The following TBCD variants were observed in gnomAD, a reference collection of about 807,000 sequenced individuals.
TBCD encodes the protein tubulin folding cofactor D.
A neutral mutation model predicts 169.3 loss-of-function variants in TBCD; 105 were observed. The ratio of observed to expected loss-of-function variants is 0.62; its 90% CI spans 0.53 to 0.73. The LOEUF (loss-of-function observed/expected upper bound fraction) is 0.73. Among genes scored for constraint, TBCD ranks in the 30% least tolerant of loss-of-function variants. The pLI, the probability that TBCD is intolerant of heterozygous loss-of-function variation, is 0.00. For missense variants in TBCD, 1,444 were observed against 1,600.1 expected, an observed-to-expected ratio of 0.90 and a Z score of 1.66; for synonymous variants, 700 against 643.9, an observed-to-expected ratio of 1.09 and a Z score of -1.32.
At chr17:82,865,434 C>T (rs534372100) in intron 13 of TBCD, 35 of 982,804 alleles carry the variant, frequency 3.6e-5, no homozygotes, top group South Asian at 4.7e-5. Context: ...CCTGAGCAGT[C>T]GGGGAGACAC....
At chr17:82,855,483 G>A (rs2056196076) in intron 13 of TBCD, among the ~76,000 whole-genome samples, 1 of 151,632 alleles carries the variant, frequency 6.6e-6, no homozygotes, top group Admixed American at 6.6e-5. Flanking sequence ...GCCCAGGCTG[G>A]TCACGAACTC....
chr17:82,827,611 C>CT (rs1332099501), intron 13 of TBCD, among the ~76,000 whole-genome samples: 1 of 152,124 alleles, frequency 6.6e-6, no homozygotes, highest in Non-Finnish European at 1.5e-5. Flanking sequence ...GAAGTGCATA[C>CT]ACACGTGTAC....
chr17:82,925,146 T>C, intron 27 of TBCD, 89 bp downstream of exon 27: 1 of 1,051,762 alleles, frequency 9.5e-7, no homozygotes, highest in Non-Finnish European at 1.4e-6. Context: ...CAGCCGTTAA[T>C]AAACCCATCA....
At chr17:82,809,319 G>A (rs913324995) in intron 11 of TBCD, among the ~76,000 whole-genome samples, 3 of 152,136 alleles carry the variant, frequency 2.0e-5, no homozygotes, top group Non-Finnish European at 4.4e-5. Flanking sequence ...GGCCTGATGG[G>A]TGCCTGCACA....
intron 13 of TBCD, among the ~76,000 whole-genome samples, chr17:82,820,715 G>T (rs1368611552): frequency 6.6e-6 from 1 of 151,982 alleles, no homozygotes; most frequent in Non-Finnish European, 1.5e-5. Flanking sequence ...GGTGCCCTAT[G>T]AGTTTCTTAG....
intron 13 of TBCD, chr17:82,830,481 G>C: frequency 6.2e-7 from 1 of 1,613,346 alleles, no homozygotes; most frequent in Non-Finnish European, 8.5e-7. Flanking sequence ...CGGGGCCTGT[G>C]GGTGGGGCCC....
chr17:82,845,637 G>A (rs929617728), intron 13 of TBCD, among the ~76,000 whole-genome samples: 1 of 151,804 alleles, frequency 6.6e-6, no homozygotes, highest in Non-Finnish European at 1.5e-5. Flanking sequence ...TTTCCTCTCC[G>A]TCCTGCCCAG....
chr17:82,925,087 C>T, intron 27 of TBCD, 30 bp downstream of exon 27: 1 of 1,519,502 alleles, frequency 6.6e-7, no homozygotes, highest in Non-Finnish European at 8.9e-7. Flanking sequence ...GTGGACGGGG[C>T]CTAGGGCGAG....
chr17:82,753,044 G>A (rs1463224698), intron 1 of TBCD, among the ~76,000 whole-genome samples: 1 of 152,202 alleles, frequency 6.6e-6, no homozygotes, highest in African/African-American at 2.4e-5. Flanking sequence ...CTTTACCGCT[G>A]TCTATAATGG....
At chr17:82,786,370 C>A (rs568514119) in intron 7 of TBCD, among the ~76,000 whole-genome samples, 1 of 152,190 alleles carries the variant, frequency 6.6e-6, no homozygotes, top group African/African-American at 2.4e-5. Flanking sequence ...GGCTCTGCCC[C>A]GAGTGTGGTG....
At chr17:82,755,102 C>T (rs762481018) in intron 1 of TBCD, among the ~76,000 whole-genome samples, 3 of 152,180 alleles carry the variant, frequency 2.0e-5, no homozygotes, top group Non-Finnish European at 4.4e-5. Context: ...GGCGGGACAT[C>T]TTGGGTGGGA....
Position 82,920,584 on chromosome 17 carries a change from T to C in TBCD, c.2067T>C (p.Leu689=). Residue 689 remains leucine (L), a synonymous_variant, in exon 24 of 39, where the codon CTT becomes CTC. Transcript: ENST00000355528. This position sits in a 1 kb window ranked among gnomAD's most constrained non-coding sequence, Gnocchi z 4.1. ...AVCVLIEKLS[L]SKMPFRGDTV... is the part of the protein sequence containing the mutation. ...GTGTTTTAATAGAAAAGTTGTCACT[T>C]TCCAAAATGCCCTTTAGAGGTGACA... 3 of 1,550,502 alleles carry C rather than the reference T, an allele frequency of 1.9e-6. No homozygotes were observed. Among genetic ancestry groups the C allele is most frequent in the Non-Finnish European group, 2.6e-6 (3 of 1,147,574 alleles).
Position 82,903,459 on chromosome 17 carries a change from C to G in TBCD, c.1785C>G (p.Pro595=), listed in dbSNP as rs759615847. The G allele has an allele frequency of 3.1e-6, 5 of 1,598,174 alleles. No homozygotes were observed. The East Asian group carries it at 1.1e-4, about 36-fold the overall frequency. ...TGCACAACCTGGCCCAGCAGGCACC[C>G]GAGTTCAGCGCCACGCAAGGTGGGT... is the stretch of plus-strand genomic sequence containing the variant. ...RALHNLAQQA[P]EFSATQVFPR... The change falls in exon 19 of 39, where the codon CCC becomes CCG. Residue 595 remains proline, a synonymous_variant. Coordinates refer to ENST00000355528, the MANE Select transcript of TBCD (RefSeq NM_005993.5). The surrounding 1 kb of genome is among the most constrained non-coding windows in gnomAD (Gnocchi z 4.8).
At chr17:82,830,876 G>A (rs1420672958) in intron 13 of TBCD, 7 of 1,612,636 alleles carry the variant, frequency 4.3e-6, no homozygotes, top group African/African-American at 2.7e-5. Context: ...ACAACATTGA[G>A]GCTAGAAGAA....
intron 22 of TBCD, 27 bp from the exon 23 acceptor site, chr17:82,911,731 A>G (rs1393481234): frequency 1.2e-6 from 2 of 1,612,412 alleles, no homozygotes; most frequent in African/African-American, 1.3e-5. Flanking sequence ...AGGTTCTTCT[A>G]ATTCTGATGT....
At chr17:82,882,660 A>G (rs932680101) in intron 14 of TBCD, among the ~76,000 whole-genome samples, 3 of 152,128 alleles carry the variant, frequency 2.0e-5, no homozygotes, top group East Asian at 1.9e-4. Context: ...ATGCAGGAAA[A>G]CAGGCTCGAG....
chr17:82,941,457 G>C lies in TBCD; in HGVS notation c.3538G>C (p.Val1180Leu). The change falls in exon 38 of 39, where the codon GTA (valine) becomes CTA (leucine). Residue 1180 changes from valine (V) to leucine (L), a missense_variant. Physicochemically the swap from Val to Leu is conservative, Grantham distance 32 (BLOSUM62 1). Transcript: ENST00000355528. Reference protein sequence around the residue: ...QRNRLCDLLGVPRPQLVPQPG... With the variant: ...QRNRLCDLLGLPRPQLVPQPG... ...CAACCGTCTGTGTGACCTTCTGGGC[G>C]TACCCAGGCCCCAGCTGGTGCCCCA... The C allele has an allele frequency of 6.2e-7, 1 of 1,601,882 alleles. No homozygotes were observed. Among genetic ancestry groups the C allele is most frequent in the Non-Finnish European group, 8.5e-7 (1 of 1,175,784 alleles).
chr17:82,925,570 A>G (rs987049210), intron 27 of TBCD, among the ~76,000 whole-genome samples: 3 of 151,974 alleles, frequency 2.0e-5, no homozygotes, highest in African/African-American at 7.3e-5. Flanking sequence ...CTGGCGTCTG[A>G]AGCTGGAATA....
intron 30 of TBCD, among the ~76,000 whole-genome samples, chr17:82,928,701 CT>C (rs1311623298): frequency 1.3e-5 from 2 of 152,106 alleles, no homozygotes; most frequent in Non-Finnish European, 2.9e-5. Context: ...ACCTCTTTCT[CT>C]TTCCCCCTCC....
Sources: allele counts gnomAD v4.1 joint callset (sites outside exome capture counted in the v4.1 genomes callset), GRCh38; gene constraint gnomAD v4.1.1; non-coding constraint Gnocchi (gnomAD v3.1); transcripts MANE v1.5; gene names NCBI Gene and HGNC (gene_info 2026-07-23, HGNC 2026-07-21).